KCNN2: variants seen among roughly 807,000 people sequenced by gnomAD.
KCNN2 encodes the protein small conductance calcium-activated potassium channel protein 2.
KCNN2 carries 24 observed loss-of-function variants against 55.5 expected under a neutral mutation model. The observed-to-expected ratio is 0.43, with a 90% CI of 0.31 to 0.61. KCNN2 has a LOEUF of 0.61. Ranked by LOEUF, KCNN2 falls within the 20% of genes least tolerant of loss-of-function variation. KCNN2 has a pLI of 0.08. For synonymous variants in KCNN2, 431 were observed against 336.1 expected (o/e 1.28, Z -3.09); for missense variants, 754 against 853.6 (o/e 0.88, Z 1.45).
intron 3 of KCNN2, among the ~76,000 whole-genome samples, chr5:114,444,828 G>A (rs1048169606): frequency 5.3e-5 from 8 of 152,212 alleles, no homozygotes; most frequent in African/African-American, 1.7e-4. Flanking sequence ...TCTGGGGATT[G>A]GACAAAGCTG....
chr5:114,334,950 G>A (rs1756894774), intron 2 of KCNN2, among the ~76,000 whole-genome samples: 1 of 151,936 alleles, frequency 6.6e-6, no homozygotes, highest in Admixed American at 6.6e-5. Context: ...TTTAGACTGA[G>A]TCTCGCTCTG....
intron 2 of KCNN2, among the ~76,000 whole-genome samples, chr5:114,365,863 A>G (rs960291012): frequency 6.6e-6 from 1 of 152,224 alleles, no homozygotes; most frequent in Non-Finnish European, 1.5e-5. Flanking sequence ...GTTTTATTAA[A>G]TATCAGCTTT....
chr5:114,267,912 T>TTC (rs1465536378), intron 2 of KCNN2, among the ~76,000 whole-genome samples: 1 of 152,152 alleles, frequency 6.6e-6, no homozygotes, highest in African/African-American at 2.4e-5. Context: ...AAACCAGTGT[T>TTC]TCTCTCTCTC....
At chr5:114,487,458 A>T (rs1031119072) in intron 6 of KCNN2, among the ~76,000 whole-genome samples, 1 of 152,084 alleles carries the variant, frequency 6.6e-6, no homozygotes, top group African/African-American at 2.4e-5. Context: ...TCTTAATTTG[A>T]CCTATTTATT....
At chr5:114,219,426 C>T (rs533760109) in intron 1 of KCNN2, among the ~76,000 whole-genome samples, 2 of 152,176 alleles carry the variant, frequency 1.3e-5, no homozygotes, top group African/African-American at 4.8e-5. Context: ...ATGAAAGTGG[C>T]TCTCCGCAGG....
At chr5:114,353,718 T>C (rs1561581926) in intron 2 of KCNN2, among the ~76,000 whole-genome samples, 2 of 151,988 alleles carry the variant, frequency 1.3e-5, no homozygotes, top group African/African-American at 4.8e-5. Context: ...AATATTTTCT[T>C]AATTTACAGA....
chr5:114,404,240 A>G (rs1327066950), intron 2 of KCNN2, among the ~76,000 whole-genome samples, 198 bp from the exon 3 acceptor site: 1 of 152,198 alleles, frequency 6.6e-6, no homozygotes, highest in East Asian at 1.9e-4. Flanking sequence ...CTGAGTACCA[A>G]GTTTTTAATT....
chr5:114,120,760 A>G (rs1751815418), intron 1 of KCNN2, among the ~76,000 whole-genome samples: 1 of 152,164 alleles, frequency 6.6e-6, no homozygotes, highest in Non-Finnish European at 1.5e-5. Flanking sequence ...TAGACCAAAT[A>G]ATTTTTTTGT....
intron 2 of KCNN2, among the ~76,000 whole-genome samples, chr5:114,274,244 C>T (rs970323565): frequency 6.4e-4 from 17 of 26,608 alleles, no homozygotes; most frequent in African/African-American, 1.2e-3. Context: ...TTACTGTAGC[C>T]TTGTATAGTT....
intron 1 of KCNN2, among the ~76,000 whole-genome samples, chr5:114,164,735 G>A (rs994100699): frequency 3.9e-5 from 6 of 152,068 alleles, no homozygotes; most frequent in African/African-American, 1.4e-4. Flanking sequence ...GTAATGTGAC[G>A]ATCCTATAAG....
At chr5:114,430,580 G>A (rs1206045879) in intron 3 of KCNN2, among the ~76,000 whole-genome samples, 1 of 152,004 alleles carries the variant, frequency 6.6e-6, no homozygotes, top group Admixed American at 6.6e-5. Context: ...CTCAATCTGT[G>A]TACTATTTTT....
chr5:114,077,410 G>A (rs919030451), intron 1 of KCNN2, among the ~76,000 whole-genome samples: 1 of 152,202 alleles, frequency 6.6e-6, no homozygotes, highest in Non-Finnish European at 1.5e-5. Context: ...ATCCTGTATT[G>A]TGAGGCCCTC....
chr5:114,199,089 C>T (rs879792766), intron 1 of KCNN2, among the ~76,000 whole-genome samples: 1 of 151,952 alleles, frequency 6.6e-6, no homozygotes, highest in Non-Finnish European at 1.5e-5. Context: ...GTATTTGTTT[C>T]ATGAATTTGG....
chr5:114,287,299 A>T (rs1206105067), intron 2 of KCNN2, among the ~76,000 whole-genome samples: 1 of 152,200 alleles, frequency 6.6e-6, no homozygotes, highest in Non-Finnish European at 1.5e-5. Context: ...ACACATGCAC[A>T]CATGTTTATT....
chr5:114,404,196 C>G (rs1476014332), intron 2 of KCNN2, among the ~76,000 whole-genome samples: 1 of 152,132 alleles, frequency 6.6e-6, no homozygotes, highest in African/African-American at 2.4e-5. Context: ...ACGTGATTGT[C>G]CAGGAACTTT....
At chr5:114,488,028 G>C (rs1747658063) in intron 6 of KCNN2, among the ~76,000 whole-genome samples, 1 of 152,150 alleles carries the variant, frequency 6.6e-6, no homozygotes, top group South Asian at 2.1e-4. Flanking sequence ...TAACAGGCAA[G>C]AAAACTCAGA....
chr5:114,110,255 T>G (rs1751570673), intron 1 of KCNN2, among the ~76,000 whole-genome samples: 1 of 152,044 alleles, frequency 6.6e-6, no homozygotes, highest in Non-Finnish European at 1.5e-5. Flanking sequence ...CTGGGCATAA[T>G]AGCAATATAA....
At chr5:114,212,896 GT>G (rs1753917711) in intron 1 of KCNN2, among the ~76,000 whole-genome samples, 1 of 151,982 alleles carries the variant, frequency 6.6e-6, no homozygotes, top group South Asian at 2.1e-4. Context: ...TTATGTGAAT[GT>G]TTTTATAGTA....
chr5:114,452,804 C>G (rs1334677829), intron 3 of KCNN2, among the ~76,000 whole-genome samples: 1 of 152,174 alleles, frequency 6.6e-6, no homozygotes, highest in African/African-American at 2.4e-5. Context: ...GTAAGAGACA[C>G]GTTAGCTCTT....
Sources: allele counts gnomAD v4.1 joint callset (sites outside exome capture counted in the v4.1 genomes callset), GRCh38; gene constraint gnomAD v4.1.1; transcripts MANE v1.5; gene names NCBI Gene and HGNC (gene_info 2026-07-23, HGNC 2026-07-21).